CDH22: variants seen among roughly 807,000 people sequenced by gnomAD.
CDH22 encodes the protein cadherin 22.
A neutral mutation model predicts 58.4 loss-of-function variants in CDH22; 30 were observed. That is an observed-to-expected ratio of 0.51 (90% CI 0.38 to 0.70). CDH22 has a LOEUF of 0.70. Among genes scored for constraint, CDH22 ranks in the 30% least tolerant of loss-of-function variants. The pLI is 0.00. For synonymous variants in CDH22, 513 were observed against 558.2 expected (o/e 0.92, Z 1.14); for missense variants, 1,014 against 1,233.9 (o/e 0.82, Z 2.67).
At chr20:46,194,295 T>G (rs1388490621) in intron 8 of CDH22, among the ~76,000 whole-genome samples, 1 of 152,192 alleles carries the variant, frequency 6.6e-6, no homozygotes, top group Non-Finnish European at 1.5e-5. Flanking sequence ...ACATGGCTTG[T>G]TGGTGTGTGT....
intron 1 of CDH22, among the ~76,000 whole-genome samples, chr20:46,281,919 G>A (rs909755691): frequency 1.3e-5 from 2 of 152,214 alleles, no homozygotes; most frequent in South Asian, 2.1e-4. Context: ...TGTCTGATGC[G>A]GGTGCTACTA....
intron 2 of CDH22, among the ~76,000 whole-genome samples, chr20:46,248,726 C>T (rs1477922328): frequency 6.6e-6 from 1 of 152,128 alleles, no homozygotes; most frequent in Non-Finnish European, 1.5e-5. Context: ...GCAGGAGAAT[C>T]GCTTGAACCT....
In CDH22 at chr20:46,174,312, CTGG is replaced by C. The variant is rs903660519; in HGVS notation, c.*191_*193del. 1.3e-5 allele frequency: 7 copies of C among 519,578 alleles called. No homozygotes were observed. In the Admixed American group the frequency reaches 2.1e-4, roughly 16 times the overall value. The allele number at this position is 519,578 out of a possible 1,614,324, so 32.2% of individuals were successfully genotyped here. A position where few individuals can be genotyped will look rare whatever the true frequency, so the allele number is the denominator to read the frequency against. Reference sequence around the variant, plus strand: ...TGCCGTTGGTCAGAATCCCGCACCTCTGGGCTCCAAAGCTGCACCCCTAGAGGA... The same window carrying C: ...TGCCGTTGGTCAGAATCCCGCACCTCGCTCCAAAGCTGCACCCCTAGAGGA... On this transcript the variant is annotated 3_prime_UTR_variant, in exon 12 of 12. Transcript: ENST00000537909. This position sits in a 1 kb window ranked among gnomAD's most constrained non-coding sequence, Gnocchi z 4.4.
chr20:46,210,500 C>T lies in CDH22; in HGVS notation c.1093G>A (p.Val365Met). 7.0e-7 allele frequency: 1 copy of T among 1,432,546 alleles called. No homozygotes were observed. Among genetic ancestry groups the T allele is most frequent in the Non-Finnish European group, 9.2e-7 (1 of 1,090,152 alleles). 88.7% of individuals were successfully genotyped at this position (1,432,546 alleles called of 1,614,324 possible). The change falls in exon 7 of 12, where the codon GTG (valine) becomes ATG (methionine). Residue 365 changes from valine (V) to methionine (M), a missense_variant. Transcript: ENST00000537909. The surrounding 1 kb of genome is among the most constrained non-coding windows in gnomAD (Gnocchi z 4.5). ...CCCAGGTCGGCGAAGCGGGGGTCCA[C>T]GAACTTGTTGAGGGCCTCCAGGATC... ...TVILEALNKF[V>M]DPRFADLGTF...
At chr20:46,228,513 T>C (rs1449310796) in intron 3 of CDH22, among the ~76,000 whole-genome samples, 2 of 151,512 alleles carry the variant, frequency 1.3e-5, no homozygotes, top group Admixed American at 1.3e-4. Flanking sequence ...CATGTTCAAT[T>C]TGACGAAAGC....
chr20:46,199,562 G>T lies in CDH22; in HGVS notation c.1287-3C>A. On this transcript the variant is annotated splice_region_variant and splice_polypyrimidine_tract_variant and intron_variant, in intron 7 of 11. Coordinates refer to ENST00000537909, the MANE Select transcript of CDH22 (RefSeq NM_021248.3). ...CTGATTCGCGGTCAATGGCGTACCTGCGGGGGGCAGGGCAGGGCTGATTGA... is the reference window on the plus strand; with the variant it reads ...CTGATTCGCGGTCAATGGCGTACCTTCGGGGGGCAGGGCAGGGCTGATTGA... 1 of 1,613,412 alleles carries T rather than the reference G, an allele frequency of 6.2e-7. No individual in the cohort carries two copies. The highest frequency in any genetic ancestry group is 8.5e-7 in the Non-Finnish European group (1 of 1,179,804).
chr20:46,297,985 G>A (rs917914514), intron 1 of CDH22, among the ~76,000 whole-genome samples: 6 of 151,922 alleles, frequency 3.9e-5, no homozygotes, highest in South Asian at 4.2e-4. Context: ...GCAAGATCCC[G>A]ACGCCCCCTC....
chr20:46,302,849 C>T (rs2086657964), intron 1 of CDH22, among the ~76,000 whole-genome samples: 1 of 152,164 alleles, frequency 6.6e-6, no homozygotes, highest in Non-Finnish European at 1.5e-5. Flanking sequence ...CACACAGCCT[C>T]CCGAGCCAGG....
intron 8 of CDH22, among the ~76,000 whole-genome samples, chr20:46,195,622 C>T (rs6131034): frequency 1.3e-5 from 2 of 150,720 alleles, no homozygotes; most frequent in African/African-American, 2.4e-5. Flanking sequence ...AGACCCCCCC[C>T]CCACCCAGTC....
At chr20:46,188,554 T>G (rs2085842435) in intron 8 of CDH22, among the ~76,000 whole-genome samples, 8 of 152,210 alleles carry the variant, frequency 5.3e-5, no homozygotes, top group Admixed American at 5.2e-4. Context: ...AGAGACAGAT[T>G]GAGTTAATAT....
At chr20:46,268,420 G>A (rs2425821) in intron 1 of CDH22, among the ~76,000 whole-genome samples, 59,636 of 152,198 alleles carry the variant, frequency 0.39, 12,185 homozygotes, top group Middle Eastern at 0.59. Flanking sequence ...TGAAAATTCC[G>A]CTTTCATCTT....
intron 10 of CDH22, among the ~76,000 whole-genome samples, chr20:46,179,886 C>CTGCCTTTCCTCATAAAG (rs1299314476): frequency 1.3e-5 from 2 of 152,224 alleles, no homozygotes; most frequent in Non-Finnish European, 2.9e-5. Context: ...CTAGGCCGCC[C>CTGCCTTTCCTCATAAAG]TGCCTTTCCT....
intron 1 of CDH22, among the ~76,000 whole-genome samples, chr20:46,255,555 C>A (rs1198897490): frequency 1.3e-5 from 2 of 152,162 alleles, no homozygotes; most frequent in Non-Finnish European, 2.9e-5. Context: ...GGAGCCCTGG[C>A]CCTCCCATCC....
chr20:46,253,977 G>T (rs2086394038), intron 1 of CDH22, among the ~76,000 whole-genome samples: 1 of 152,124 alleles, frequency 6.6e-6, no homozygotes, highest in African/African-American at 2.4e-5. Context: ...TAACACCTTT[G>T]ACAAGGATGG....
At chr20:46,203,161 G>A (rs1016080084) in intron 7 of CDH22, among the ~76,000 whole-genome samples, 3 of 152,130 alleles carry the variant, frequency 2.0e-5, no homozygotes, top group Admixed American at 6.5e-5. Context: ...GCGGGGACCC[G>A]CCATTAACTA....
chr20:46,277,607 G>A (rs558960186), intron 1 of CDH22, among the ~76,000 whole-genome samples: 1 of 152,174 alleles, frequency 6.6e-6, no homozygotes, highest in East Asian at 1.9e-4. Flanking sequence ...GAGGTGGGAG[G>A]AATAGCAGAA....
intron 10 of CDH22, among the ~76,000 whole-genome samples, chr20:46,179,920 C>G (rs1175368821): frequency 2.6e-5 from 4 of 152,200 alleles, no homozygotes; most frequent in Non-Finnish European, 5.9e-5. Context: ...CTCTCTGGAA[C>G]ACCCTCTTCA....
intron 3 of CDH22, among the ~76,000 whole-genome samples, chr20:46,229,051 A>G (rs986153958): frequency 2.0e-5 from 3 of 151,812 alleles, no homozygotes; most frequent in African/African-American, 7.3e-5. Flanking sequence ...CTCTTTGGCC[A>G]CTCCAGCTCC....
chr20:46,206,571 C>T (rs2086003391), intron 7 of CDH22, among the ~76,000 whole-genome samples: 1 of 152,082 alleles, frequency 6.6e-6, no homozygotes, highest in African/African-American at 2.4e-5. Flanking sequence ...GCTTGCTGTT[C>T]CCTCTACCTG....
Sources: allele counts gnomAD v4.1 joint callset (sites outside exome capture counted in the v4.1 genomes callset), GRCh38; gene constraint gnomAD v4.1.1; non-coding constraint Gnocchi (gnomAD v3.1); transcripts MANE v1.5; gene names NCBI Gene and HGNC (gene_info 2026-07-23, HGNC 2026-07-21).